CADPS2: variants seen among roughly 807,000 people sequenced by gnomAD.
The protein encoded by CADPS2 is calcium-dependent secretion activator 2.
CADPS2 carries 93 observed loss-of-function variants against 172.5 expected under a neutral mutation model. That is an observed-to-expected ratio of 0.54 (90% CI 0.46 to 0.64). The LOEUF (loss-of-function observed/expected upper bound fraction) is 0.64. Ranked by LOEUF, CADPS2 falls within the 30% of genes least tolerant of loss-of-function variation. CADPS2 has a pLI of 0.00. For missense variants in CADPS2, 1,420 were observed against 1,565.9 expected (o/e 0.91, Z 1.57); for synonymous variants, 546 against 555.2 (o/e 0.98, Z 0.23).
intron 7 of CADPS2, among the ~76,000 whole-genome samples, chr7:122,578,986 A>T (rs1205653513): frequency 6.6e-6 from 1 of 152,106 alleles, no homozygotes; most frequent in Non-Finnish European, 1.5e-5. Context: ...GCCTCTATGG[A>T]AGGCTTTATG....
chr7:122,867,745 TC>T (rs1418074429), intron 1 of CADPS2, among the ~76,000 whole-genome samples: 3 of 152,152 alleles, frequency 2.0e-5, no homozygotes, highest in Admixed American at 2.0e-4. Context: ...AACATGGCAC[TC>T]CCTTTGCCCC....
intron 3 of CADPS2, among the ~76,000 whole-genome samples, chr7:122,641,821 A>G (rs1011524727): frequency 7.9e-5 from 12 of 152,088 alleles, no homozygotes; most frequent in Non-Finnish European, 4.4e-5. Context: ...ATTTTCAGTA[A>G]CTACAAAAGT....
chr7:122,684,221 T>C (rs887500580), intron 2 of CADPS2, among the ~76,000 whole-genome samples: 3 of 152,082 alleles, frequency 2.0e-5, no homozygotes, highest in African/African-American at 7.2e-5. Flanking sequence ...ATTGATATCA[T>C]TATATGTCGT....
chr7:122,778,036 C>T (rs993820150), intron 1 of CADPS2, among the ~76,000 whole-genome samples: 7 of 151,812 alleles, frequency 4.6e-5, no homozygotes, highest in East Asian at 1.9e-4. Flanking sequence ...CTAGAGACTT[C>T]GGGGGCTCAG....
At chr7:122,401,429 T>C (rs753717851) in intron 20 of CADPS2, among the ~76,000 whole-genome samples, 2 of 152,154 alleles carry the variant, frequency 1.3e-5, no homozygotes, top group Non-Finnish European at 2.9e-5. Flanking sequence ...GCTCCAAGGG[T>C]TTGCGTTTCA....
intron 6 of CADPS2, among the ~76,000 whole-genome samples, chr7:122,605,371 C>T (rs577372020): frequency 1.6e-4 from 24 of 152,220 alleles, no homozygotes; most frequent in South Asian, 4.1e-4. Flanking sequence ...AGGAATTTTT[C>T]GGCTCCATTA....
chr7:122,458,575 C>T (rs1026464501), intron 14 of CADPS2, among the ~76,000 whole-genome samples: 1 of 152,096 alleles, frequency 6.6e-6, no homozygotes. Context: ...TTTGCAAACA[C>T]TCCCCCCTTC....
chr7:122,676,683 G>C (rs1210648302), intron 2 of CADPS2: 1 of 1,590,286 alleles, frequency 6.3e-7, no homozygotes, highest in East Asian at 2.2e-5. Context: ...GCTGTCAGCT[G>C]CTCAGCCACA....
intron 19 of CADPS2, among the ~76,000 whole-genome samples, chr7:122,410,560 C>T (rs954751097): frequency 2.7e-5 from 4 of 150,216 alleles, no homozygotes; most frequent in Admixed American, 6.7e-5. Flanking sequence ...TGAGTGATAA[C>T]GGTCAAATCA....
chr7:122,776,832 A>G (rs937194664), intron 1 of CADPS2, among the ~76,000 whole-genome samples: 5 of 152,198 alleles, frequency 3.3e-5, no homozygotes, highest in Admixed American at 1.3e-4. Flanking sequence ...GACTGGTAGC[A>G]CCTTGCATGT....
intron 12 of CADPS2, among the ~76,000 whole-genome samples, chr7:122,477,048 AGAG>A (rs2056748839): frequency 0.032 from 1,605 of 50,462 alleles, 66 homozygotes; most frequent in Non-Finnish European, 0.038. Flanking sequence ...GAGAGGAGAG[AGAG>A]AAGAGAGAGA....
chr7:122,851,223 G>A (rs187660288), intron 1 of CADPS2, among the ~76,000 whole-genome samples: 6 of 152,312 alleles, frequency 3.9e-5, no homozygotes, highest in African/African-American at 1.4e-4. Context: ...GTCTACAGAA[G>A]GAAAGAGGGA....
intron 25 of CADPS2, among the ~76,000 whole-genome samples, chr7:122,367,274 T>C (rs2041040674): frequency 6.6e-6 from 1 of 152,126 alleles, no homozygotes; most frequent in African/African-American, 2.4e-5. Context: ...GAAAATATTC[T>C]AAGTTATGAG....
At chr7:122,653,824 A>G (rs1015387168) in intron 3 of CADPS2, among the ~76,000 whole-genome samples, 1 of 152,188 alleles carries the variant, frequency 6.6e-6, no homozygotes, top group East Asian at 1.9e-4. Context: ...CTCCCATACG[A>G]GACAACAAAT....
intron 14 of CADPS2, among the ~76,000 whole-genome samples, chr7:122,468,395 A>G (rs916634336): frequency 2.0e-5 from 3 of 152,206 alleles, no homozygotes; most frequent in African/African-American, 7.2e-5. Flanking sequence ...TCTCACAAGG[A>G]GAGGTTGCCA....
intron 11 of CADPS2, among the ~76,000 whole-genome samples, chr7:122,488,910 T>C (rs1005209710): frequency 1.3e-5 from 2 of 152,186 alleles, no homozygotes; most frequent in African/African-American, 2.4e-5. Context: ...TGCTGTGCCA[T>C]ACTCTATGTG....
At position 122,736,944 on chromosome 7, in the gene CADPS2, T is replaced by C; in HGVS notation, c.453+11A>G. On this transcript the variant is annotated intron_variant, in intron 2 of 29. Coordinates refer to ENST00000449022, the MANE Select transcript of CADPS2 (RefSeq NM_017954.11). ...CATCGGAAAGCCAAAAACAAAGCTCTTCAAACTTACCTCATAATAACTCCG... is the reference window on the plus strand; with the variant it reads ...CATCGGAAAGCCAAAAACAAAGCTCCTCAAACTTACCTCATAATAACTCCG... 1 of 1,477,062 alleles carries C rather than the reference T, an allele frequency of 6.8e-7. No individual in the cohort carries two copies. Among genetic ancestry groups the C allele is most frequent in the Non-Finnish European group, 9.4e-7 (1 of 1,060,036 alleles). 91.5% of individuals were successfully genotyped at this position (1,477,062 alleles called of 1,614,324 possible).
chr7:122,852,834 C>T (rs1270299176), intron 1 of CADPS2, among the ~76,000 whole-genome samples: 2 of 152,092 alleles, frequency 1.3e-5, no homozygotes, highest in East Asian at 1.9e-4. Flanking sequence ...TCTGTTATAA[C>T]GGAATCCCTC....
chr7:122,642,140 C>A (rs2134543807), intron 3 of CADPS2, among the ~76,000 whole-genome samples: 1 of 151,932 alleles, frequency 6.6e-6, no homozygotes, highest in South Asian at 2.1e-4. Flanking sequence ...ATTAGCCAGG[C>A]ATGGTGGTAG....
Sources: gnomAD v4.1 joint callset for allele counts (sites outside exome capture counted in the v4.1 genomes callset) on GRCh38, gnomAD v4.1.1 for gene constraint, MANE v1.5 for transcripts, NCBI Gene and HGNC (gene_info 2026-07-23, HGNC 2026-07-21) for gene names.